The following ZNF469 variants were observed in gnomAD, a reference collection of about 807,000 sequenced individuals.
The protein encoded by ZNF469 is zinc finger protein 469.
ZNF469 carries 1 observed loss-of-function variant against 1.0 expected under a neutral mutation model. That is an observed-to-expected ratio of 1.00 (90% confidence interval 0.35 to 4.73). ZNF469 has a LOEUF of 4.73. Among genes scored for constraint, ZNF469 ranks in the 30% most tolerant of loss-of-function variants. ZNF469 has a pLI of 0.16. For synonymous variants in ZNF469, 2,703 were observed against 2,363.4 expected, an observed-to-expected ratio of 1.14 and a Z score of -4.17; for missense variants, 6,100 against 5,356.3, an observed-to-expected ratio of 1.14 and a Z score of -4.33.
At chr16:88,397,665 G>A (rs1031519478) in intron 1 of ZNF469, among the ~76,000 whole-genome samples, 3 of 139,822 alleles carry the variant, frequency 2.1e-5, no homozygotes, top group Non-Finnish European at 4.6e-5. Flanking sequence ...GAGATAGATA[G>A]ATAGATAGAT....
the ZNF469 span, among the ~76,000 whole-genome samples, chr16:88,365,576 C>G: frequency 6.6e-6 from 1 of 152,206 alleles, no homozygotes. Context: ...AGCAGAAGCC[C>G]TCGGCTGTGC....
At chr16:88,347,684 C>G in the ZNF469 span, among the ~76,000 whole-genome samples, 1 of 152,244 alleles carries the variant, frequency 6.6e-6, no homozygotes, top group Non-Finnish European at 1.5e-5. Flanking sequence ...CCAGTCTCCT[C>G]CAATCACAGT....
the ZNF469 span, among the ~76,000 whole-genome samples, chr16:88,353,415 C>G: frequency 6.6e-6 from 1 of 152,202 alleles, no homozygotes. Context: ...CCCACCTCCG[C>G]TTGGGGCTCA....
the ZNF469 span, among the ~76,000 whole-genome samples, chr16:88,199,152 G>A: frequency 6.6e-6 from 1 of 152,200 alleles, no homozygotes; most frequent in Non-Finnish European, 1.5e-5. Flanking sequence ...TTCCTACGAG[G>A]AGGCTGCAGA....
the ZNF469 span, among the ~76,000 whole-genome samples, chr16:88,149,719 A>C: frequency 6.6e-6 from 1 of 152,128 alleles, no homozygotes; most frequent in African/African-American, 2.4e-5. Flanking sequence ...ATGCCAGGGC[A>C]TTGGGCCTCA....
the ZNF469 span, among the ~76,000 whole-genome samples, chr16:88,371,889 C>T: frequency 6.6e-6 from 1 of 151,486 alleles, no homozygotes; most frequent in Non-Finnish European, 1.5e-5. Context: ...TCACCATTAT[C>T]ACCATCACTA....
the ZNF469 span, among the ~76,000 whole-genome samples, chr16:88,120,117 C>T: frequency 6.6e-6 from 1 of 152,152 alleles, no homozygotes; most frequent in Admixed American, 6.5e-5. Flanking sequence ...GGACGTGTCC[C>T]GTGGAGGGGG....
chr16:88,310,825 A>G, the ZNF469 span, among the ~76,000 whole-genome samples: 1 of 152,270 alleles, frequency 6.6e-6, no homozygotes, highest in African/African-American at 2.4e-5. Context: ...GCTTTTTAAA[A>G]GAGCAGTTTT....
chr16:88,140,863 G>T, the ZNF469 span, among the ~76,000 whole-genome samples: 48 of 152,316 alleles, frequency 3.2e-4, no homozygotes, highest in African/African-American at 1.2e-3. Flanking sequence ...AACCCAGGAG[G>T]CGGAGGTTGC....
At chr16:88,175,899 G>A in the ZNF469 span, among the ~76,000 whole-genome samples, 9 of 152,204 alleles carry the variant, frequency 5.9e-5, no homozygotes, top group African/African-American at 2.2e-4. Context: ...GGAGTTGGAG[G>A]ACACTGCCCT....
chr16:88,400,527 C>A (rs1302025448), intron 1 of ZNF469, among the ~76,000 whole-genome samples: 1 of 152,214 alleles, frequency 6.6e-6, no homozygotes, highest in Non-Finnish European at 1.5e-5. Flanking sequence ...TTTCCGGAAC[C>A]TCTAAGCCAG....
At chr16:88,101,280 C>G in the ZNF469 span, among the ~76,000 whole-genome samples, 1 of 152,202 alleles carries the variant, frequency 6.6e-6, no homozygotes, top group Admixed American at 6.5e-5. Context: ...ATTTTGCTTT[C>G]CAGTTGATGA....
the ZNF469 span, among the ~76,000 whole-genome samples, chr16:88,358,160 G>A: frequency 1.3e-5 from 2 of 152,218 alleles, no homozygotes; most frequent in Non-Finnish European, 2.9e-5. Flanking sequence ...ACTGCAGCGT[G>A]GGCGTCAGGC....
chr16:88,411,019 TG>T (rs1479483072), intron 1 of ZNF469, among the ~76,000 whole-genome samples: 1 of 152,174 alleles, frequency 6.6e-6, no homozygotes, highest in African/African-American at 2.4e-5. Context: ...CTTCTCTTCA[TG>T]GGGCCCTCTC....
the ZNF469 span, among the ~76,000 whole-genome samples, chr16:88,127,298 A>G: frequency 1.3e-5 from 2 of 152,146 alleles, no homozygotes; most frequent in African/African-American, 4.8e-5. Context: ...AGAAGTTTGT[A>G]TGAGTTTGAC....
At chr16:88,162,096 G>A in the ZNF469 span, among the ~76,000 whole-genome samples, 1 of 152,162 alleles carries the variant, frequency 6.6e-6, no homozygotes, top group Non-Finnish European at 1.5e-5. Context: ...AAGATGGTAC[G>A]TACACAAATA....
the ZNF469 span, among the ~76,000 whole-genome samples, chr16:88,342,627 C>A: frequency 6.6e-6 from 1 of 152,200 alleles, no homozygotes; most frequent in Non-Finnish European, 1.5e-5. Flanking sequence ...CATGCAGAGG[C>A]GGCTCTGAGC....
At chr16:88,318,884 G>A in the ZNF469 span, among the ~76,000 whole-genome samples, 1 of 152,248 alleles carries the variant, frequency 6.6e-6, no homozygotes, top group East Asian at 1.9e-4. Context: ...CTCACGTGGT[G>A]ACCGTCCTCA....
At chr16:88,305,246 G>A in the ZNF469 span, among the ~76,000 whole-genome samples, 1 of 149,990 alleles carries the variant, frequency 6.7e-6, no homozygotes, top group African/African-American at 2.5e-5. Flanking sequence ...ACGCTCACAG[G>A]CACACACGCA....
Sources: gnomAD v4.1 joint callset for allele counts (sites outside exome capture counted in the v4.1 genomes callset) on GRCh38, gnomAD v4.1.1 for gene constraint, MANE v1.5 for transcripts, NCBI Gene and HGNC (gene_info 2026-07-23, HGNC 2026-07-21) for gene names.